The following ITFG1 variants were observed in gnomAD, a reference collection of about 807,000 sequenced individuals.
ITFG1 encodes integrin alpha FG-GAP repeat containing 1.
ITFG1 carries 34 observed loss-of-function variants against 81.8 expected under a neutral mutation model. That is an observed-to-expected ratio of 0.42 (90% CI 0.32 to 0.55). The LOEUF is 0.55. Ranked by LOEUF, ITFG1 falls within the 20% of genes least tolerant of loss-of-function variation. The probability of loss-of-function intolerance (pLI) is 0.17; values close to 1 mark genes in which losing one functional copy is unlikely to be tolerated. For synonymous variants in ITFG1, 285 were observed against 270.6 expected (o/e 1.05, Z -0.52); for missense variants, 672 against 755.4 (o/e 0.89, Z 1.29).
chr16:47,452,846 T>C, intron 3 of ITFG1, 56 bp from the exon 4 acceptor site: 1 of 880,594 alleles, frequency 1.1e-6, no homozygotes, highest in Non-Finnish European at 1.7e-6. Flanking sequence ...TTACTTTTGA[T>C]ATCTATGCTT....
rs187260327 is a variant in ITFG1 at position 47,440,980 on chromosome 16, C to T, written c.560+10416G>A. 5.2e-3 allele frequency among the ~76,000 whole-genome samples: 792 copies of T among 152,090 alleles called. 3 individuals are homozygous for T. Among genetic ancestry groups the T allele is most frequent in the African/African-American group, 7.5e-3 (311 of 41,472 alleles). Reference sequence around the variant, plus strand: ...AGAAAAGAGAGAAGAATCAAATAGACGCAATAAAAAATGACAAAGGGGATA... The same window carrying T: ...AGAAAAGAGAGAAGAATCAAATAGATGCAATAAAAAATGACAAAGGGGATA... On this transcript the variant is annotated intron_variant, in intron 5 of 17. Coordinates refer to ENST00000320640, the MANE Select transcript of ITFG1 (RefSeq NM_030790.5).
At position 47,427,472 on chromosome 16, in the gene ITFG1, C is replaced by A. The variant is rs190342014; in HGVS notation, c.655+1332G>T. ...TGGAGTTCGAGACCAGCCTGGCCAACATGGTGAAACCCCGTCTCTACTAAA... is the reference window on the plus strand; with the variant it reads ...TGGAGTTCGAGACCAGCCTGGCCAAAATGGTGAAACCCCGTCTCTACTAAA... On this transcript the variant is annotated intron_variant, in intron 6 of 17. Transcript: ENST00000320640. Among the ~76,000 whole-genome samples, 10 of 152,252 alleles carry A rather than the reference C, an allele frequency of 6.6e-5. No homozygotes were observed. The East Asian group carries it at 1.7e-3, about 27-fold the overall frequency.
chr16:47,243,265 C>G (rs1965958711), intron 12 of ITFG1, among the ~76,000 whole-genome samples: 3 of 151,930 alleles, frequency 2.0e-5, no homozygotes, highest in African/African-American at 4.8e-5. Flanking sequence ...ATCTTAGATA[C>G]AAAGTGGTTG....
At chr16:47,215,173 ATG>A in intron 14 of ITFG1, among the ~76,000 whole-genome samples, 1 of 152,274 alleles carries the variant, frequency 6.6e-6, no homozygotes, top group Middle Eastern at 3.4e-3. Context: ...AAATACGTAA[ATG>A]TAGTCATCCT....
chr16:47,175,973 T>C (rs1299177861), intron 14 of ITFG1, among the ~76,000 whole-genome samples: 2 of 152,200 alleles, frequency 1.3e-5, no homozygotes. Context: ...TGAGCACACC[T>C]TGAGCTTTGG....
At chr16:47,400,429 C>A (rs1046380140) in intron 6 of ITFG1, among the ~76,000 whole-genome samples, 7 of 145,952 alleles carry the variant, frequency 4.8e-5, no homozygotes, top group African/African-American at 1.8e-4. Context: ...TGGAGCAAAA[C>A]CAGTTAATAG....
At chr16:47,227,050 T>C (rs1965766446) in intron 13 of ITFG1, among the ~76,000 whole-genome samples, 1 of 152,190 alleles carries the variant, frequency 6.6e-6, no homozygotes, top group Admixed American at 6.5e-5. Flanking sequence ...TTCTACACCA[T>C]CTGTATAATG....
chr16:47,458,618 C>A (rs1158226838), intron 2 of ITFG1, among the ~76,000 whole-genome samples: 1 of 152,176 alleles, frequency 6.6e-6, no homozygotes, highest in African/African-American at 2.4e-5. Flanking sequence ...ATTACTTGAA[C>A]ATTTTAAAAA....
intron 8 of ITFG1, among the ~76,000 whole-genome samples, chr16:47,322,809 C>G (rs889861792): frequency 6.6e-6 from 1 of 152,176 alleles, no homozygotes; most frequent in Non-Finnish European, 1.5e-5. Flanking sequence ...AAAATCTACT[C>G]TCTTATCAAT....
intron 6 of ITFG1, among the ~76,000 whole-genome samples, chr16:47,383,271 T>G (rs1968418112): frequency 6.6e-6 from 1 of 152,224 alleles, no homozygotes; most frequent in South Asian, 2.1e-4. Flanking sequence ...TAAGATTTTC[T>G]GACTTCCCAT....
At chr16:47,352,435 G>A (rs1217442123) in intron 8 of ITFG1, among the ~76,000 whole-genome samples, 1 of 152,180 alleles carries the variant, frequency 6.6e-6, no homozygotes, top group Non-Finnish European at 1.5e-5. Flanking sequence ...AGACATTTAT[G>A]CAGCCAAAAA....
intron 10 of ITFG1, among the ~76,000 whole-genome samples, chr16:47,287,197 C>A (rs543762270): frequency 2.7e-4 from 41 of 152,194 alleles, no homozygotes; most frequent in Middle Eastern, 3.4e-3. Context: ...TCCAGAATAA[C>A]GTTGTGTTAA....
chr16:47,417,272 A>G (rs769493330), intron 6 of ITFG1, among the ~76,000 whole-genome samples: 22 of 152,236 alleles, frequency 1.4e-4, no homozygotes, highest in Non-Finnish European at 2.9e-4. Flanking sequence ...TCACTCATCA[A>G]AGATAATTGC....
chr16:47,207,086 T>C (rs1244229364), intron 14 of ITFG1, among the ~76,000 whole-genome samples: 1 of 152,228 alleles, frequency 6.6e-6, no homozygotes, highest in Non-Finnish European at 1.5e-5. Context: ...TGCTCTCTTA[T>C]TTTATTTTTT....
At chr16:47,457,076 G>C (rs1041256127) in intron 2 of ITFG1, among the ~76,000 whole-genome samples, 1 of 152,068 alleles carries the variant, frequency 6.6e-6, no homozygotes, top group East Asian at 1.9e-4. Context: ...TTGGGAGGCC[G>C]AGGCAGGTGG....
intron 13 of ITFG1, among the ~76,000 whole-genome samples, chr16:47,219,435 T>A (rs1279307132): frequency 2.0e-5 from 3 of 152,170 alleles, no homozygotes; most frequent in Non-Finnish European, 4.4e-5. Flanking sequence ...AAGAAAATTC[T>A]GATGGATTGA....
rs1052979832 is a variant in ITFG1 at position 47,184,278 on chromosome 16, C to T, written c.1454-21614G>A. Among the ~76,000 whole-genome samples the T allele has an allele frequency of 2.2e-4, 33 of 152,000 alleles. 1 individual carries two copies. The highest frequency in any genetic ancestry group is 4.8e-5 in the African/African-American group (2 of 41,346). On this transcript the variant is annotated intron_variant, in intron 14 of 17. Coordinates refer to ENST00000320640, the MANE Select transcript of ITFG1 (RefSeq NM_030790.5). ...ATTCAGGTTCAGGAAATACAGAGAA[C>T]GCCACAAAGATACTCCTCGAGAAGA...
intron 10 of ITFG1, among the ~76,000 whole-genome samples, chr16:47,281,828 T>G (rs1966454488): frequency 6.6e-6 from 1 of 152,038 alleles, no homozygotes; most frequent in Non-Finnish European, 1.5e-5. Flanking sequence ...AAAACCAGCT[T>G]TTGATTTGCC....
intron 8 of ITFG1, among the ~76,000 whole-genome samples, chr16:47,360,019 G>A (rs757581417): frequency 6.6e-5 from 10 of 152,148 alleles, no homozygotes; most frequent in Non-Finnish European, 1.2e-4. Context: ...AGTCCAAATA[G>A]TAGGAACTCT....
Sources: gnomAD v4.1 joint callset for allele counts (sites outside exome capture counted in the v4.1 genomes callset) on GRCh38, gnomAD v4.1.1 for gene constraint, MANE v1.5 for transcripts, NCBI Gene and HGNC (gene_info 2026-07-23, HGNC 2026-07-21) for gene names.